Variants in TMEM163 observed in about 807,000 individuals in gnomAD.
TMEM163 encodes transmembrane protein 163.
A neutral mutation model predicts 29.3 loss-of-function variants in TMEM163; 17 were observed. The ratio of observed to expected loss-of-function variants is 0.58; its 90% CI spans 0.40 to 0.87. The LOEUF (loss-of-function observed/expected upper bound fraction) is 0.87, where lower values mean the gene tolerates loss of function less well. Among genes scored for constraint, TMEM163 ranks in the 40% least tolerant of loss-of-function variants. The pLI is 0.00. For missense variants in TMEM163, 303 were observed against 381.5 expected, an observed-to-expected ratio of 0.79 and a Z score of 1.71; for synonymous variants, 157 against 160.6, an observed-to-expected ratio of 0.98 and a Z score of 0.17.
intron 2 of TMEM163, among the ~76,000 whole-genome samples, chr2:134,573,655 G>A (rs933069289): frequency 1.5e-4 from 23 of 152,232 alleles, no homozygotes; most frequent in Non-Finnish European, 3.4e-4. Flanking sequence ...GATGCCGAGA[G>A]TTCTGTGCTG....
chr2:134,540,392 C>T (rs1291130023), intron 4 of TMEM163, among the ~76,000 whole-genome samples: 1 of 152,238 alleles, frequency 6.6e-6, no homozygotes, highest in Non-Finnish European at 1.5e-5. Context: ...GCCATTTCCC[C>T]ACCTTGCAGT....
At chr2:134,588,475 T>C (rs889897143) in intron 2 of TMEM163, among the ~76,000 whole-genome samples, 1 of 151,880 alleles carries the variant, frequency 6.6e-6, no homozygotes, top group Admixed American at 6.6e-5. Flanking sequence ...GAAACTGGAG[T>C]GGCATGGGCA....
At chr2:134,475,213 T>C (rs1686888276) in intron 5 of TMEM163, among the ~76,000 whole-genome samples, 1 of 152,016 alleles carries the variant, frequency 6.6e-6, no homozygotes, top group Non-Finnish European at 1.5e-5. Context: ...ATCATCCCAC[T>C]CTCAGATATA....
intron 2 of TMEM163, among the ~76,000 whole-genome samples, chr2:134,689,913 G>A (rs1684425424): frequency 1.3e-5 from 2 of 151,330 alleles, no homozygotes; most frequent in South Asian, 2.1e-4. Context: ...GCTCCTTTGC[G>A]GTTTGTTTGT....
intron 2 of TMEM163, among the ~76,000 whole-genome samples, chr2:134,706,280 T>G (rs1684810078): frequency 6.6e-6 from 1 of 152,120 alleles, no homozygotes; most frequent in Non-Finnish European, 1.5e-5. Context: ...ACGCCCTCCT[T>G]GTTTCCTTTG....
chr2:134,678,036 C>G lies in TMEM163; in HGVS notation c.322+35164G>C, dbSNP rs556989504. Among the ~76,000 whole-genome samples the G allele has an allele frequency of 9.8e-5, 15 of 152,348 alleles. No individual in the cohort carries two copies. In the East Asian group the frequency reaches 2.3e-3, roughly 24 times the overall value. On this transcript the variant is annotated intron_variant, in intron 2 of 7. Coordinates refer to ENST00000281924, the MANE Select transcript of TMEM163 (RefSeq NM_030923.5). ...AATGCCCAACACAACCTGCAGTGCA[C>G]TCTTTGTCCTGGTTTCTTTCCGGTC...
chr2:134,714,621 G>A (rs1412622379), intron 1 of TMEM163, among the ~76,000 whole-genome samples: 1 of 152,200 alleles, frequency 6.6e-6, no homozygotes, highest in African/African-American at 2.4e-5. Context: ...GAAGGTTGCT[G>A]AGTGAGCCCA....
At chr2:134,644,203 A>G (rs948714928) in intron 2 of TMEM163, among the ~76,000 whole-genome samples, 4 of 152,164 alleles carry the variant, frequency 2.6e-5, no homozygotes, top group African/African-American at 9.6e-5. Flanking sequence ...TTATCTATAG[A>G]TTTAAGAAAA....
intron 2 of TMEM163, among the ~76,000 whole-genome samples, chr2:134,684,989 G>A (rs1182825418): frequency 2.0e-5 from 3 of 150,512 alleles, no homozygotes; most frequent in Non-Finnish European, 2.9e-5. Flanking sequence ...ACACAAACAC[G>A]GCACTCCAAG....
At chr2:134,582,598 C>T (rs1681721852) in intron 2 of TMEM163, among the ~76,000 whole-genome samples, 1 of 152,222 alleles carries the variant, frequency 6.6e-6, no homozygotes, top group South Asian at 2.1e-4. Context: ...TTCACTCAGA[C>T]TAATCAGAAA....
At chr2:134,610,022 G>A (rs1682463699) in intron 2 of TMEM163, among the ~76,000 whole-genome samples, 1 of 152,186 alleles carries the variant, frequency 6.6e-6, no homozygotes, top group Admixed American at 6.5e-5. Context: ...GAGGCAAAAG[G>A]GACTGGTCAA....
intron 2 of TMEM163, among the ~76,000 whole-genome samples, chr2:134,627,487 C>A (rs923360028): frequency 1.2e-4 from 18 of 152,038 alleles, no homozygotes; most frequent in African/African-American, 2.9e-4. Context: ...TAATAGAAAA[C>A]TTTTATATTT....
chr2:134,496,481 G>A lies in TMEM163; in HGVS notation c.555+6420C>T, dbSNP rs542768450. Reference sequence around the variant, plus strand: ...TCTACACGGCCTGCAGAGCCAGCCTGGCCTCAAGAGCAGGACACACCAGAA... The same window carrying A: ...TCTACACGGCCTGCAGAGCCAGCCTAGCCTCAAGAGCAGGACACACCAGAA... On this transcript the variant is annotated intron_variant, in intron 5 of 7. Coordinates refer to ENST00000281924, the MANE Select transcript of TMEM163 (RefSeq NM_030923.5). Among the ~76,000 whole-genome samples the A allele has an allele frequency of 4.5e-4, 69 of 152,290 alleles. 1 individual carries two copies. Among genetic ancestry groups the A allele is most frequent in the Admixed American group, 3.1e-3 (48 of 15,300 alleles).
chr2:134,674,891 A>G (rs1231036342), intron 2 of TMEM163, among the ~76,000 whole-genome samples: 1 of 152,196 alleles, frequency 6.6e-6, no homozygotes, highest in Non-Finnish European at 1.5e-5. Context: ...TGATCTTTGT[A>G]GCCAAAGCTA....
chr2:134,570,265 T>C (rs1205858674), intron 2 of TMEM163, among the ~76,000 whole-genome samples: 1 of 152,172 alleles, frequency 6.6e-6, no homozygotes. Flanking sequence ...CTAGGTTTGT[T>C]GTTGCATCTC....
chr2:134,512,203 A>G lies in TMEM163; in HGVS notation c.459-9206T>C, dbSNP rs190601517. Among the ~76,000 whole-genome samples, 27 of 152,312 alleles carry G rather than the reference A, an allele frequency of 1.8e-4. 1 individual carries two copies. Among genetic ancestry groups the G allele is most frequent in the Admixed American group, 1.2e-3 (18 of 15,302 alleles). On this transcript the variant is annotated intron_variant, in intron 4 of 7. Transcript: ENST00000281924. Reference sequence around the variant, plus strand: ...CCAGGCGCAATGTCTCATGCCTGTAATCTCAGCACTTTGGGAGGCCAGGGT... The same window carrying G: ...CCAGGCGCAATGTCTCATGCCTGTAGTCTCAGCACTTTGGGAGGCCAGGGT...
At chr2:134,511,224 C>T (rs1360362947) in intron 4 of TMEM163, among the ~76,000 whole-genome samples, 1 of 150,556 alleles carries the variant, frequency 6.6e-6, no homozygotes, top group Non-Finnish European at 1.5e-5. Flanking sequence ...TGAACAAAGA[C>T]CTACCAGATG....
intron 4 of TMEM163, among the ~76,000 whole-genome samples, chr2:134,513,527 G>A (rs970891901): frequency 2.6e-5 from 4 of 152,200 alleles, no homozygotes; most frequent in Non-Finnish European, 4.4e-5. Flanking sequence ...GGAGCTTCAC[G>A]TGCTAATAAG....
chr2:134,541,942 GC>G (rs1300959247), intron 4 of TMEM163, among the ~76,000 whole-genome samples: 3 of 152,104 alleles, frequency 2.0e-5, no homozygotes, highest in African/African-American at 7.2e-5. Flanking sequence ...ACTTTGCCTT[GC>G]CCCACGCCTT....
Sources: allele counts gnomAD v4.1 joint callset (sites outside exome capture counted in the v4.1 genomes callset), GRCh38; gene constraint gnomAD v4.1.1; transcripts MANE v1.5; gene names NCBI Gene and HGNC (gene_info 2026-07-23, HGNC 2026-07-21).